The following ADORA1 variants were observed in gnomAD, a reference collection of about 807,000 sequenced individuals.
ADORA1 encodes the protein adenosine receptor A1.
A neutral mutation model predicts 19.9 loss-of-function variants in ADORA1; 6 were observed. The observed-to-expected ratio is 0.30, with a 90% confidence interval of 0.17 to 0.59. ADORA1 has a LOEUF of 0.59. Among genes scored for constraint, ADORA1 ranks in the 20% least tolerant of loss-of-function variants. ADORA1 has a pLI of 0.87. For synonymous variants in ADORA1, 194 were observed against 188.4 expected, an observed-to-expected ratio of 1.03 and a Z score of -0.24; for missense variants, 302 against 439.2, an observed-to-expected ratio of 0.69 and a Z score of 2.79.
chr1:203,165,936 G>T lies in ADORA1; in HGVS notation c.*36G>T. ...CCGCTCCCACCAGCCCACATCCAGTGGGGTCTCAGTCCAGTCCTCACATGC... is the reference window on the plus strand; with the variant it reads ...CCGCTCCCACCAGCCCACATCCAGTTGGGTCTCAGTCCAGTCCTCACATGC... On this transcript the variant is annotated 3_prime_UTR_variant, in exon 4 of 4. Transcript: ENST00000337894. This position sits in a 1 kb window ranked among gnomAD's most constrained non-coding sequence, Gnocchi z 5.9. 4 of 1,524,074 alleles carry T rather than the reference G, an allele frequency of 2.6e-6. No individual in the cohort carries two copies. Among genetic ancestry groups the T allele is most frequent in the Non-Finnish European group, 3.5e-6 (4 of 1,137,720 alleles). The allele number at this position is 1,524,074 out of a possible 1,614,324, so 94.4% of individuals were successfully genotyped here. A position where few individuals can be genotyped will look rare whatever the true frequency, so the allele number is the denominator to read the frequency against.
intron 3 of ADORA1, among the ~76,000 whole-genome samples, chr1:203,147,328 A>G (rs1217875739): frequency 4.6e-5 from 7 of 151,646 alleles, no homozygotes; most frequent in Non-Finnish European, 1.0e-4. Context: ...TTTTCCTCGT[A>G]TCGGGGGAGG....
At chr1:203,144,271 C>T (rs537616691) in intron 3 of ADORA1, among the ~76,000 whole-genome samples, 2 of 152,248 alleles carry the variant, frequency 1.3e-5, no homozygotes, top group African/African-American at 2.4e-5. Flanking sequence ...ATTGCACTGG[C>T]GTGTGAGCAA....
In ADORA1 at chr1:203,127,873, G is replaced by C. The variant is rs1018599529; in HGVS notation, c.-268G>C. 6.5e-6 allele frequency: 1 copy of C among 153,116 alleles called. No individual in the cohort carries two copies. Among genetic ancestry groups the C allele is most frequent in the African/African-American group, 2.4e-5 (1 of 41,474 alleles). The allele number at this position is 153,116 out of a possible 1,614,324, so 9.5% of individuals were successfully genotyped here. ...CTGCTGAAGGCGTCGAGGTGTGGGGGCACTTGGACAGAACAGTCAGGCAGC... is the reference window on the plus strand; with the variant it reads ...CTGCTGAAGGCGTCGAGGTGTGGGGCCACTTGGACAGAACAGTCAGGCAGC... On this transcript the variant is annotated 5_prime_UTR_variant, in exon 1 of 4. Transcript: ENST00000337894.
intron 3 of ADORA1, among the ~76,000 whole-genome samples, chr1:203,143,523 A>G (rs1654761936): frequency 6.6e-6 from 1 of 150,630 alleles, no homozygotes; most frequent in Non-Finnish European, 1.5e-5. Flanking sequence ...GGGTGTGTGT[A>G]TTCACATATG....
chr1:203,141,577 T>TG (rs2102744620), intron 3 of ADORA1, among the ~76,000 whole-genome samples: 1 of 139,466 alleles, frequency 7.2e-6, no homozygotes, highest in East Asian at 2.1e-4. Context: ...CCTGGATTTT[T>TG]TTTTTTTTTT....
chr1:203,141,054 G>A (rs565833043), intron 3 of ADORA1, among the ~76,000 whole-genome samples: 3 of 152,186 alleles, frequency 2.0e-5, no homozygotes, highest in Non-Finnish European at 4.4e-5. Flanking sequence ...AGAGCACTGA[G>A]TGGCCCCATT....
intron 3 of ADORA1, among the ~76,000 whole-genome samples, chr1:203,137,631 A>T (rs1416668188): frequency 6.6e-6 from 1 of 152,182 alleles, no homozygotes; most frequent in Non-Finnish European, 1.5e-5. Context: ...TTAATTCTGG[A>T]TATGCATTTA....
intron 3 of ADORA1, among the ~76,000 whole-genome samples, chr1:203,140,410 T>A (rs1439444320): frequency 1.3e-5 from 2 of 152,120 alleles, no homozygotes; most frequent in Non-Finnish European, 2.9e-5. Context: ...CTTAAGCCAC[T>A]GGGTGGATGG....
At chr1:203,149,282 C>T (rs971969713) in intron 3 of ADORA1, among the ~76,000 whole-genome samples, 2 of 152,220 alleles carry the variant, frequency 1.3e-5, no homozygotes, top group East Asian at 1.9e-4. Context: ...CCCCCACACA[C>T]ATCATGAGTT....
At chr1:203,137,302 C>T (rs1346476206) in intron 3 of ADORA1, among the ~76,000 whole-genome samples, 1 of 152,060 alleles carries the variant, frequency 6.6e-6, no homozygotes, top group Admixed American at 6.6e-5. Context: ...AGCAAAGAGG[C>T]CTGTGGGGCT....
chr1:203,164,324 A>C (rs1655464149), intron 3 of ADORA1, among the ~76,000 whole-genome samples: 1 of 152,226 alleles, frequency 6.6e-6, no homozygotes, highest in Non-Finnish European at 1.5e-5. Context: ...AAAATGTGAG[A>C]TATGTAGAAG....
Position 203,166,215 on chromosome 1 carries a change from G to A in ADORA1, c.*315G>A. On this transcript the variant is annotated 3_prime_UTR_variant, in exon 4 of 4. Coordinates refer to ENST00000337894, the MANE Select transcript of ADORA1 (RefSeq NM_000674.3). ...AGTCCAGAGCTTCAGGGCTGGGCAG[G>A]TCCTGGGGAGGCTGAGACTGCAGAG... is the stretch of plus-strand genomic sequence containing the variant. 1 of 260,728 alleles carries A rather than the reference G, an allele frequency of 3.8e-6. No homozygotes were observed. The allele number at this position is 260,728 out of a possible 1,614,324, so 16.2% of individuals were successfully genotyped here. A position where few individuals can be genotyped will look rare whatever the true frequency, so the allele number is the denominator to read the frequency against.
At chr1:203,155,540 A>G (rs1655174464) in intron 3 of ADORA1, among the ~76,000 whole-genome samples, 1 of 152,204 alleles carries the variant, frequency 6.6e-6, no homozygotes, top group Non-Finnish European at 1.5e-5. Flanking sequence ...ACCAATGAGG[A>G]ACTTGGGCAT....
rs56188119 is a variant in ADORA1 at position 203,141,572 on chromosome 1, ATT to A, written c.341+12415_341+12416del. On this transcript the variant is annotated intron_variant, in intron 3 of 3. Coordinates refer to ENST00000337894, the MANE Select transcript of ADORA1 (RefSeq NM_000674.3). Reference sequence around the variant, plus strand: ...TTTGAAAAAAGCTCCTCTAACCTGGATTTTTTTTTTTTTTTTTTTTTTTTTTG... The same window carrying A: ...TTTGAAAAAAGCTCCTCTAACCTGGATTTTTTTTTTTTTTTTTTTTTTTTG... 6.3e-3 allele frequency among the ~76,000 whole-genome samples: 460 copies of A among 73,524 alleles called. 2 individuals are homozygous for A. The highest frequency in any genetic ancestry group is 0.023 in the African/African-American group (372 of 16,462). The allele number at this position is 73,524 out of a possible 152,430, so 48.2% of individuals were successfully genotyped here. A position where few individuals can be genotyped will look rare whatever the true frequency, so the allele number is the denominator to read the frequency against.
At position 203,165,982 on chromosome 1, in the gene ADORA1, C is replaced by T. The variant is rs1274425874; in HGVS notation, c.*82C>T. 3 of 1,466,008 alleles carry T rather than the reference C, an allele frequency of 2.0e-6. No individual in the cohort carries two copies. The highest frequency in any genetic ancestry group is 1.4e-5 in the African/African-American group (1 of 70,830). 90.8% of individuals were successfully genotyped at this position (1,466,008 alleles called of 1,614,324 possible). On this transcript the variant is annotated 3_prime_UTR_variant, in exon 4 of 4. Transcript: ENST00000337894. The surrounding 1 kb of genome is among the most constrained non-coding windows in gnomAD (Gnocchi z 5.9). ...CATGCCCGCTGTCCCAGGGGTCTCC[C>T]TGAGCCTGCCCCAGCTGGGCTGTTG...
intron 3 of ADORA1, among the ~76,000 whole-genome samples, chr1:203,137,849 A>G (rs1453709882): frequency 6.6e-6 from 1 of 152,168 alleles, no homozygotes; most frequent in African/African-American, 2.4e-5. Flanking sequence ...TTTGATCTTT[A>G]TCCTTATAGA....
chr1:203,160,404 G>A (rs1048136322), intron 3 of ADORA1, among the ~76,000 whole-genome samples: 3 of 152,194 alleles, frequency 2.0e-5, no homozygotes, highest in Admixed American at 6.5e-5. Flanking sequence ...TGGCATTCAA[G>A]TAGTGTTGAA....
At chr1:203,139,363 C>G (rs1395404540) in intron 3 of ADORA1, among the ~76,000 whole-genome samples, 1 of 152,144 alleles carries the variant, frequency 6.6e-6, no homozygotes, top group African/African-American at 2.4e-5. Flanking sequence ...CCTGATTCTT[C>G]CCATTTTCGT....
intron 3 of ADORA1, among the ~76,000 whole-genome samples, chr1:203,139,328 C>T (rs577752117): frequency 1.3e-5 from 2 of 152,314 alleles, no homozygotes; most frequent in African/African-American, 4.8e-5. Context: ...TCTGTGGGCG[C>T]AGATGCTGGT....
Sources: gnomAD v4.1 joint callset for allele counts (sites outside exome capture counted in the v4.1 genomes callset) on GRCh38, gnomAD v4.1.1 for gene constraint, Gnocchi (gnomAD v3.1) non-coding constraint, MANE v1.5 for transcripts, NCBI Gene and HGNC (gene_info 2026-07-23, HGNC 2026-07-21) for gene names.